The following TPST1 variants were observed in gnomAD, a reference collection of about 807,000 sequenced individuals.
TPST1 encodes the protein protein-tyrosine sulfotransferase 1.
Under a neutral mutation model 34.8 loss-of-function variants are expected in TPST1, and 20 were observed. The observed-to-expected ratio is 0.57, with a 90% CI of 0.40 to 0.84. TPST1 has a LOEUF of 0.84. Among genes scored for constraint, TPST1 ranks in the 40% least tolerant of loss-of-function variants. TPST1 has a pLI of 0.00. For synonymous variants in TPST1, 152 were observed against 159.4 expected, an observed-to-expected ratio of 0.95 and a Z score of 0.35; for missense variants, 353 against 455.5, an observed-to-expected ratio of 0.78 and a Z score of 2.05.
chr7:66,249,338 C>T (rs1342530325), intron 2 of TPST1, among the ~76,000 whole-genome samples: 1 of 151,872 alleles, frequency 6.6e-6, no homozygotes, highest in Non-Finnish European at 1.5e-5. Context: ...CAAAGAAAAG[C>T]CAAGCACATC....
chr7:66,352,954 T>C, intron 4 of TPST1: 1 of 985,388 alleles, frequency 1.0e-6, no homozygotes, highest in Non-Finnish European at 1.2e-6. Flanking sequence ...CTTTGACTTT[T>C]CTCATTTGGA....
rs573692333 is a variant in TPST1, at chr7:66,259,352, C to T, written c.845+18082C>T. ...CATAATCCTTATTATCATTTTCAAT[C>T]CATAGAATCTGTAGTGATCTGTAGA... On this transcript the variant is annotated intron_variant, in intron 2 of 5. Transcript: ENST00000304842. Among the ~76,000 whole-genome samples the T allele has an allele frequency of 2.6e-5, 4 of 152,258 alleles. No individual in the cohort carries two copies. The South Asian group carries it at 8.3e-4, about 32-fold the overall frequency.
chr7:66,340,889 T>C (rs565451059), intron 3 of TPST1, among the ~76,000 whole-genome samples: 2 of 152,266 alleles, frequency 1.3e-5, no homozygotes, highest in East Asian at 3.9e-4. Flanking sequence ...TGGGTGCCTA[T>C]AATCCCAGCT....
intron 3 of TPST1, among the ~76,000 whole-genome samples, chr7:66,310,456 T>G (rs990872064): frequency 6.6e-6 from 1 of 152,172 alleles, no homozygotes; most frequent in African/African-American, 2.4e-5. Context: ...GTTATGTGTT[T>G]GACATACTTG....
At position 66,360,063 on chromosome 7, in the gene TPST1, C is replaced by T. The variant is rs1792660874; in HGVS notation, c.*198C>T. ...GCTTTGGGCCTCGTGAGGGATCTGC[C>T]TCCTGAGCAAAGAGCTCTTGATCCC... On this transcript the variant is annotated 3_prime_UTR_variant, in exon 6 of 6. Transcript: ENST00000304842. The T allele has an allele frequency of 7.1e-6, 3 of 425,400 alleles. No individual in the cohort carries two copies. Among genetic ancestry groups the T allele is most frequent in the Non-Finnish European group, 9.6e-6 (2 of 207,982 alleles). The allele number at this position is 425,400 out of a possible 1,614,324, so 26.4% of individuals were successfully genotyped here.
chr7:66,337,481 GTA>G (rs559959615), intron 3 of TPST1, among the ~76,000 whole-genome samples: 117 of 151,776 alleles, frequency 7.7e-4, no homozygotes, highest in Non-Finnish European at 1.4e-3. Context: ...GCTTATTTTT[GTA>G]TTTTTAGTAG....
intron 1 of TPST1, among the ~76,000 whole-genome samples, chr7:66,225,857 C>G (rs1369884562): frequency 6.6e-6 from 1 of 152,018 alleles, no homozygotes. Context: ...AAGGTACTTC[C>G]CAGTTTGGTT....
At chr7:66,282,610 G>A (rs1224686013) in intron 2 of TPST1, among the ~76,000 whole-genome samples, 1 of 152,064 alleles carries the variant, frequency 6.6e-6, no homozygotes, top group Non-Finnish European at 1.5e-5. Context: ...CCAGGTCTGC[G>A]TTCTCTCCAC....
chr7:66,302,889 T>C (rs1791345960), intron 3 of TPST1, among the ~76,000 whole-genome samples: 1 of 152,220 alleles, frequency 6.6e-6, no homozygotes, highest in African/African-American at 2.4e-5. Context: ...ATTCTTTGCC[T>C]TCTGCTTTCA....
chr7:66,280,224 A>G (rs1365798038), intron 2 of TPST1, among the ~76,000 whole-genome samples: 1 of 152,238 alleles, frequency 6.6e-6, no homozygotes, highest in Non-Finnish European at 1.5e-5. Flanking sequence ...GCACTCGCAC[A>G]GTGGACGTGG....
At chr7:66,226,982 G>T (rs1789668199) in intron 1 of TPST1, among the ~76,000 whole-genome samples, 1 of 145,502 alleles carries the variant, frequency 6.9e-6, no homozygotes, top group Non-Finnish European at 1.5e-5. Context: ...TGGAAAAACA[G>T]GCGGAGAAAT....
chr7:66,209,133 C>T (rs1308607919), intron 1 of TPST1, among the ~76,000 whole-genome samples: 4 of 151,956 alleles, frequency 2.6e-5, no homozygotes, highest in Non-Finnish European at 4.4e-5. Context: ...ATTAGCCGGG[C>T]GTGGTGGTGG....
chr7:66,295,148 A>G (rs1189884187), intron 3 of TPST1, among the ~76,000 whole-genome samples: 1 of 152,170 alleles, frequency 6.6e-6, no homozygotes, highest in Non-Finnish European at 1.5e-5. Flanking sequence ...ATAGAACTAA[A>G]CCAGGGTAAA....
At chr7:66,215,416 C>T (rs1356455436) in intron 1 of TPST1, among the ~76,000 whole-genome samples, 1 of 151,436 alleles carries the variant, frequency 6.6e-6, no homozygotes, top group African/African-American at 2.4e-5. Flanking sequence ...GCTCTGTCGC[C>T]CAGGCTGGAG....
At chr7:66,273,997 C>A (rs116971842) in intron 2 of TPST1, among the ~76,000 whole-genome samples, 1,990 of 151,596 alleles carry the variant, frequency 0.013, 59 homozygotes, top group East Asian at 0.093. Context: ...TTTTTTCTTT[C>A]TTTTCTTTTT....
Position 66,240,354 on chromosome 7 carries a change from C to A in TPST1, c.-72C>A. The A allele has an allele frequency of 6.5e-7, 1 of 1,534,242 alleles. No homozygotes were observed. The highest frequency in any genetic ancestry group is 2.3e-5 in the East Asian group (1 of 43,492). ...TGGTTATCTTTCTGAAGTAGACTGT[C>A]CATGGCCTGAACATTTTCCGAAAAT... On this transcript the variant is annotated 5_prime_UTR_variant, in exon 2 of 6. Transcript: ENST00000304842.
intron 2 of TPST1, among the ~76,000 whole-genome samples, chr7:66,245,694 C>T (rs532505261): frequency 6.6e-6 from 1 of 152,240 alleles, no homozygotes; most frequent in African/African-American, 2.4e-5. Context: ...AAAGATAACT[C>T]AATAGCCACT....
intron 3 of TPST1, among the ~76,000 whole-genome samples, chr7:66,325,040 A>G (rs3935391): frequency 0.59 from 90,353 of 151,940 alleles, 27,212 homozygotes; most frequent in African/African-American, 0.68. Flanking sequence ...AGACGGGGTA[A>G]TTTATAAAGG....
chr7:66,234,566 T>G (rs1349452545), intron 1 of TPST1, among the ~76,000 whole-genome samples: 4 of 152,202 alleles, frequency 2.6e-5, no homozygotes, highest in African/African-American at 9.7e-5. Context: ...GTGCTTGGAA[T>G]TGCCAAGATG....
Sources: allele counts gnomAD v4.1 joint callset (sites outside exome capture counted in the v4.1 genomes callset), GRCh38; gene constraint gnomAD v4.1.1; transcripts MANE v1.5; gene names NCBI Gene and HGNC (gene_info 2026-07-23, HGNC 2026-07-21).